The following ANKFN1 variants were observed in gnomAD, a reference collection of about 807,000 sequenced individuals.
ANKFN1 encodes ankyrin repeat and fibronectin type-III domain-containing protein 1.
Under a neutral mutation model 108.7 loss-of-function variants are expected in ANKFN1, and 74 were observed. That is an observed-to-expected ratio of 0.68 (90% confidence interval 0.56 to 0.83). The LOEUF (loss-of-function observed/expected upper bound fraction) is 0.83, where lower values mean the gene tolerates loss of function less well. ANKFN1 is among the 40% of genes least tolerant of loss of function. ANKFN1 has a pLI of 0.00. For missense variants in ANKFN1, 1,505 were observed against 1,382.3 expected (o/e 1.09, Z -1.41); for synonymous variants, 547 against 516.2 (o/e 1.06, Z -0.81).
intron 11 of ANKFN1, among the ~76,000 whole-genome samples, chr17:56,455,383 A>C (rs2049649616): frequency 6.6e-6 from 1 of 152,230 alleles, no homozygotes; most frequent in Admixed American, 6.5e-5. Flanking sequence ...CAGAAAAAAG[A>C]ATGATTTTGC....
intron 8 of ANKFN1, among the ~76,000 whole-genome samples, chr17:56,405,441 T>C (rs1215953660): frequency 6.6e-6 from 1 of 152,170 alleles, no homozygotes; most frequent in Non-Finnish European, 1.5e-5. Context: ...CTGGGAGAAG[T>C]GTAAATTATT....
At chr17:56,068,201 G>A (rs185106980) in intron 4 of ANKFN1, among the ~76,000 whole-genome samples, 2 of 152,262 alleles carry the variant, frequency 1.3e-5, no homozygotes, top group East Asian at 1.9e-4. Context: ...CCTCTGTGAA[G>A]CATCCCTTGA....
intron 8 of ANKFN1, among the ~76,000 whole-genome samples, chr17:56,420,863 G>A (rs184012409): frequency 0.029 from 4,387 of 151,706 alleles, 181 homozygotes; most frequent in African/African-American, 0.099. Flanking sequence ...GCCCGCCACC[G>A]CGCCCGGCTA....
At chr17:56,167,267 A>G (rs1047465794) in intron 1 of ANKFN1, among the ~76,000 whole-genome samples, 1 of 34,698 alleles carries the variant, frequency 2.9e-5, no homozygotes, top group African/African-American at 8.5e-5. Flanking sequence ...GTGTGTATAT[A>G]TATATACATA....
At chr17:56,439,000 G>T (rs573991893) in intron 8 of ANKFN1, among the ~76,000 whole-genome samples, 1 of 152,150 alleles carries the variant, frequency 6.6e-6, no homozygotes, top group East Asian at 1.9e-4. Context: ...AAAACCGGGG[G>T]AGGGGAATGG....
intron 6 of ANKFN1, among the ~76,000 whole-genome samples, chr17:56,364,430 CT>C (rs2046608413): frequency 1.3e-5 from 2 of 152,048 alleles, no homozygotes; most frequent in Non-Finnish European, 2.9e-5. Context: ...CAACCTATTT[CT>C]TTTTGCTTTC....
intron 3 of ANKFN1, among the ~76,000 whole-genome samples, chr17:56,286,733 C>G (rs2044227401): frequency 6.6e-6 from 1 of 152,090 alleles, no homozygotes; most frequent in Admixed American, 6.6e-5. Flanking sequence ...AAGTTGCAAC[C>G]CACTGCCAAG....
At chr17:56,490,438 T>A (rs1420820183) in intron 18 of ANKFN1, among the ~76,000 whole-genome samples, 1 of 152,140 alleles carries the variant, frequency 6.6e-6, no homozygotes, top group Non-Finnish European at 1.5e-5. Flanking sequence ...TCATAATAAG[T>A]TCAGCTTGAC....
intron 3 of ANKFN1, among the ~76,000 whole-genome samples, chr17:56,319,584 T>C (rs1271959284): frequency 1.3e-5 from 2 of 152,172 alleles, no homozygotes; most frequent in African/African-American, 4.8e-5. Context: ...AAAGGCATGA[T>C]TGAGGTCCAA....
intron 1 of ANKFN1, among the ~76,000 whole-genome samples, chr17:56,189,261 C>T (rs1912629748): frequency 7.2e-6 from 1 of 139,456 alleles, no homozygotes; most frequent in Non-Finnish European, 1.5e-5. Context: ...AGCTCCGCCT[C>T]CCGGGTTCAC....
intron 1 of ANKFN1, among the ~76,000 whole-genome samples, chr17:56,180,084 A>G (rs1351320573): frequency 1.3e-5 from 2 of 152,194 alleles, no homozygotes; most frequent in African/African-American, 2.4e-5. Context: ...GGATGCATGT[A>G]GCCTTCTATT....
At chr17:56,335,473 T>C (rs976178210) in intron 4 of ANKFN1, among the ~76,000 whole-genome samples, 6 of 152,198 alleles carry the variant, frequency 3.9e-5, no homozygotes, top group African/African-American at 1.4e-4. Context: ...TTTATTCTCT[T>C]TGTAGCAATT....
intron 1 of ANKFN1, among the ~76,000 whole-genome samples, chr17:56,199,370 T>C (rs941176654): frequency 7.9e-5 from 12 of 152,158 alleles, no homozygotes; most frequent in African/African-American, 2.9e-4. Context: ...TCAATTCTTA[T>C]GGGATTTTTA....
intron 4 of ANKFN1, among the ~76,000 whole-genome samples, chr17:56,089,204 T>C (rs71387437): frequency 6.6e-6 from 1 of 151,516 alleles, no homozygotes; most frequent in Non-Finnish European, 1.5e-5. Context: ...TGATATATTG[T>C]GAATACCTTT....
chr17:56,125,914 C>G (rs1490027135), intron 4 of ANKFN1, among the ~76,000 whole-genome samples: 1 of 152,196 alleles, frequency 6.6e-6, no homozygotes, highest in Non-Finnish European at 1.5e-5. Context: ...GGAAGGTGGT[C>G]TGGGGACAGT....
chr17:56,494,437 A>T (rs2051133426), intron 19 of ANKFN1, among the ~76,000 whole-genome samples: 1 of 152,106 alleles, frequency 6.6e-6, no homozygotes, highest in African/African-American at 2.4e-5. Context: ...AGGATAGTGG[A>T]GCATAGTAAG....
At chr17:56,217,245 A>G (rs560524960) in intron 2 of ANKFN1, among the ~76,000 whole-genome samples, 4 of 152,156 alleles carry the variant, frequency 2.6e-5, no homozygotes, top group African/African-American at 7.2e-5. Flanking sequence ...AACTCCCCCT[A>G]GCTGACTTTA....
intron 4 of ANKFN1, among the ~76,000 whole-genome samples, chr17:56,046,879 G>A (rs1365864129): frequency 2.0e-5 from 3 of 152,206 alleles, no homozygotes; most frequent in Non-Finnish European, 2.9e-5. Context: ...GCACGGAAAA[G>A]CATGAGTTGC....
chr17:56,451,896 AT>A (rs1359353554), intron 11 of ANKFN1, among the ~76,000 whole-genome samples: 5 of 152,228 alleles, frequency 3.3e-5, no homozygotes, highest in Non-Finnish European at 7.3e-5. Context: ...GGGAGTAATA[AT>A]AAAAATCACT....
Sources: gnomAD v4.1 joint callset for allele counts (sites outside exome capture counted in the v4.1 genomes callset) on GRCh38, gnomAD v4.1.1 for gene constraint, MANE v1.5 for transcripts, NCBI Gene and HGNC (gene_info 2026-07-23, HGNC 2026-07-21) for gene names.